Variants in ZNF789 observed in about 807,000 individuals in gnomAD.
ZNF789 encodes zinc finger protein 789.
Under a neutral mutation model 15.6 loss-of-function variants are expected in ZNF789, and 11 were observed. The observed-to-expected ratio is 0.70, with a 90% CI of 0.44 to 1.16. The LOEUF (loss-of-function observed/expected upper bound fraction) is 1.16, where lower values mean the gene tolerates loss of function less well. Among genes scored for constraint, ZNF789 ranks in the 50% most tolerant of loss-of-function variants. ZNF789 has a pLI of 0.00. For synonymous variants in ZNF789, 159 were observed against 176.0 expected (o/e 0.90, Z 0.76); for missense variants, 461 against 512.6 (o/e 0.90, Z 0.97).
intron 3 of ZNF789, among the ~76,000 whole-genome samples, chr7:99,482,710 C>T (rs1405635189): frequency 6.6e-6 from 1 of 151,788 alleles, no homozygotes; most frequent in Non-Finnish European, 1.5e-5. Flanking sequence ...CAAAATTAGT[C>T]AGGCGTGGTG....
In ZNF789 at chr7:99,487,009, C is replaced by T. The variant is rs758015760; in HGVS notation, c.799C>T (p.Arg267Trp). ...YRCHDCGKCF[R>W]QLAYLVEHKR... Reference sequence around the variant, plus strand: ...ATGTCATGACTGTGGAAAGTGTTTTCGGCAGCTCGCGTATCTTGTTGAACA... The same window carrying T: ...ATGTCATGACTGTGGAAAGTGTTTTTGGCAGCTCGCGTATCTTGTTGAACA... Residue 267 changes from arginine (R) to tryptophan (W), a missense_variant, in exon 5 of 5, where the codon CGG becomes TGG. By Grantham distance (101) the Arg-to-Trp change is moderately radical. Coordinates refer to ENST00000331410, the MANE Select transcript of ZNF789 (RefSeq NM_213603.3). 1.2e-5 allele frequency: 20 copies of T among 1,613,890 alleles called. No homozygotes were observed. Among genetic ancestry groups the T allele is most frequent in the Non-Finnish European group, 1.4e-5 (17 of 1,180,046 alleles).
In ZNF789 at chr7:99,474,273, A is replaced by C. The variant is rs370113678; in HGVS notation, c.-55+1217A>C. Among the ~76,000 whole-genome samples, 9 of 152,356 alleles carry C rather than the reference A, an allele frequency of 5.9e-5. No homozygotes were observed. The East Asian group carries it at 1.4e-3, about 23-fold the overall frequency. On this transcript the variant is annotated intron_variant, in intron 1 of 4. Transcript: ENST00000331410. ...AAAAATAGCTCATGAGCTAAAAAAAAATCGCAAAACAATTTCATAAGGTTT... is the reference window on the plus strand; with the variant it reads ...AAAAATAGCTCATGAGCTAAAAAAACATCGCAAAACAATTTCATAAGGTTT...
intron 3 of ZNF789, chr7:99,482,189 C>G (rs754343350): frequency 1.3e-6 from 1 of 779,076 alleles, no homozygotes; most frequent in African/African-American, 1.7e-5. Context: ...TGCTGCAATA[C>G]CACTGTGCTG....
At chr7:99,481,026 CTG>C (rs1390769931) in intron 3 of ZNF789, 3 of 152,212 alleles carry the variant, frequency 2.0e-5, no homozygotes, top group Non-Finnish European at 4.4e-5. Context: ...ATGGGTAACA[CTG>C]TTAATATTTT....
At chr7:99,485,405 A>T in intron 4 of ZNF789, 1 of 674,128 alleles carries the variant, frequency 1.5e-6, no homozygotes, top group South Asian at 1.6e-5. Flanking sequence ...CATTGTCCAA[A>T]CCCTGTTCAC....
At chr7:99,476,255 A>T in intron 1 of ZNF789, 148 bp from the exon 2 acceptor site, 2 of 557,350 alleles carry the variant, frequency 3.6e-6, no homozygotes, top group South Asian at 4.7e-5. Context: ...GTAGCGGCTC[A>T]TGCATTTCAT....
At position 99,487,367 on chromosome 7, in the gene ZNF789, G is replaced by A. The variant is rs768647371; in HGVS notation, c.1157G>A (p.Arg386Gln). 2 of 1,614,158 alleles carry A rather than the reference G, an allele frequency of 1.2e-6. No homozygotes were observed. The highest frequency in any genetic ancestry group is 1.1e-5 in the South Asian group (1 of 91,068). ...TTTAGTTTTAAGAGGAATCTTTTTC[G>A]ACATCAGGTCATTCACACTGGAAGC... ...KTFSFKRNLF[R>Q]HQVIHTGSQP... Residue 386 changes from arginine (R) to glutamine (Q), a missense_variant, in exon 5 of 5, where the codon CGA becomes CAA. Arg to Gln is a conservative substitution (Grantham distance 43, BLOSUM62 1). Transcript: ENST00000331410.
intron 4 of ZNF789, chr7:99,485,087 C>A: frequency 8.0e-7 from 1 of 1,244,484 alleles, no homozygotes; most frequent in Non-Finnish European, 1.1e-6. Context: ...CCCTTGATTC[C>A]ACCCTCATTA....
intron 4 of ZNF789, 105 bp downstream of exon 4, chr7:99,484,248 A>G (rs969382112): frequency 1.7e-5 from 14 of 809,772 alleles, no homozygotes; most frequent in South Asian, 3.2e-5. Context: ...TGCTGGGCAT[A>G]TATTATCCCA....
chr7:99,484,222 C>A, intron 4 of ZNF789, 79 bp downstream of exon 4: 1 of 1,141,504 alleles, frequency 8.8e-7, no homozygotes, highest in South Asian at 1.3e-5. Context: ...TTCTGTGTGC[C>A]AGACGCTGAG....
chr7:99,483,307 A>AAAAT (rs537510544), intron 3 of ZNF789, among the ~76,000 whole-genome samples: 2 of 151,998 alleles, frequency 1.3e-5, no homozygotes, highest in East Asian at 1.9e-4. Flanking sequence ...ACTCCATCTC[A>AAAAT]AAATAAATAA....
chr7:99,479,507 C>A, intron 2 of ZNF789, 154 bp from the exon 3 acceptor site: 1 of 825,222 alleles, frequency 1.2e-6, no homozygotes, highest in Non-Finnish European at 1.7e-6. Context: ...TGAGGGCCAT[C>A]AGGCCTGAAA....
chr7:99,474,845 C>T (rs1269082807), intron 1 of ZNF789, among the ~76,000 whole-genome samples: 1 of 151,938 alleles, frequency 6.6e-6, no homozygotes, highest in Non-Finnish European at 1.5e-5. Context: ...AACAACTGGG[C>T]GTGGTGGTGC....
At chr7:99,479,075 G>A (rs1229472260) in intron 2 of ZNF789, 1 of 152,404 alleles carries the variant, frequency 6.6e-6, no homozygotes, top group African/African-American at 2.4e-5. Context: ...GGTTCCCCAG[G>A]GTGGCCAGGA....
intron 3 of ZNF789, chr7:99,481,934 C>T: frequency 2.1e-6 from 1 of 483,742 alleles, no homozygotes. Flanking sequence ...TTACTTTTTC[C>T]CAGTCCGTCT....
chr7:99,475,879 A>T (rs1444449210), intron 1 of ZNF789, among the ~76,000 whole-genome samples: 2 of 142,620 alleles, frequency 1.4e-5, no homozygotes, highest in African/African-American at 5.4e-5. Flanking sequence ...ATCTCAGTTC[A>T]CTGCAACCTC....
chr7:99,485,517 G>A (rs1448014386), intron 4 of ZNF789: 1 of 476,346 alleles, frequency 2.1e-6, no homozygotes, highest in Non-Finnish European at 3.7e-6. Flanking sequence ...TTAAGCAGAT[G>A]TTTCACCTAG....
In ZNF789 at chr7:99,474,260, T is replaced by C. The variant is rs575552513; in HGVS notation, c.-55+1204T>C. On this transcript the variant is annotated intron_variant, in intron 1 of 4. Transcript: ENST00000331410. ...ATACACAAACACTAAAAATAGCTCA[T>C]GAGCTAAAAAAAAATCGCAAAACAA... 3.3e-5 allele frequency among the ~76,000 whole-genome samples: 5 copies of C among 152,168 alleles called. No homozygotes were observed. The South Asian group carries it at 1.0e-3, about 32-fold the overall frequency.
At chr7:99,480,575 A>G (rs559099825) in intron 3 of ZNF789, 1 of 152,244 alleles carries the variant, frequency 6.6e-6, no homozygotes, top group South Asian at 2.1e-4. Flanking sequence ...CGTGTTCCTC[A>G]TCTGTAAGAC....
Sources: gnomAD v4.1 joint callset for allele counts (sites outside exome capture counted in the v4.1 genomes callset) on GRCh38, gnomAD v4.1.1 for gene constraint, MANE v1.5 for transcripts, NCBI Gene and HGNC (gene_info 2026-07-23, HGNC 2026-07-21) for gene names.